The following LY86 variants were observed in gnomAD, a reference collection of about 807,000 sequenced individuals.
The protein encoded by LY86 is MD-1, RP105-associated.
LY86 carries 20 observed loss-of-function variants against 17.3 expected under a neutral mutation model. The ratio of observed to expected loss-of-function variants is 1.15; its 90% CI spans 0.81 to 1.68. LY86 has a LOEUF of 1.68. Ranked by LOEUF, LY86 falls within the 40% of genes most tolerant of loss-of-function variation. The probability of loss-of-function intolerance (pLI) is 0.00; values close to 1 mark genes in which losing one functional copy is unlikely to be tolerated. For missense variants in LY86, 200 were observed against 191.9 expected, an observed-to-expected ratio of 1.04 and a Z score of -0.25; for synonymous variants, 74 against 70.6, an observed-to-expected ratio of 1.05 and a Z score of -0.24.
At chr6:6,621,157 G>T (rs1350320265) in intron 1 of LY86, 1 of 152,222 alleles carries the variant, frequency 6.6e-6, no homozygotes, top group South Asian at 2.1e-4. Context: ...TCGTGATGAA[G>T]TTTTGACTTC....
At chr6:6,638,480 T>C (rs1040767663) in intron 3 of LY86, among the ~76,000 whole-genome samples, 2 of 152,226 alleles carry the variant, frequency 1.3e-5, no homozygotes, top group African/African-American at 4.8e-5. Flanking sequence ...TTGAAGAATT[T>C]ACATTTAAGT....
At position 6,603,615 on chromosome 6, in the gene LY86, C is replaced by CAAAAAAAA. The variant is rs1221531073; in HGVS notation, c.136+14748_136+14749insAAAAAAAA. Among the ~76,000 whole-genome samples the CAAAAAAAA allele has an allele frequency of 2.2e-3, 246 of 114,104 alleles. 3 individuals carry two copies. The highest frequency in any genetic ancestry group is 7.9e-3 in the African/African-American group (232 of 29,290). The allele number at this position is 114,104 out of a possible 152,430, so 74.9% of individuals were successfully genotyped here. A position where few individuals can be genotyped will look rare whatever the true frequency, so the allele number is the denominator to read the frequency against. On this transcript the variant is annotated intron_variant, in intron 1 of 4. Coordinates refer to ENST00000230568, the MANE Select transcript of LY86 (RefSeq NM_004271.4). Reference sequence around the variant, plus strand: ...ACAAAAACAGAAACAGAAAAAAAAACAAACAAAAAAAAACAAAACACACAC... The same window carrying CAAAAAAAA: ...ACAAAAACAGAAACAGAAAAAAAAACAAAAAAAAAAACAAAAAAAAACAAAACACACAC...
intron 1 of LY86, among the ~76,000 whole-genome samples, chr6:6,596,362 A>G (rs1760712354): frequency 6.6e-6 from 1 of 152,090 alleles, no homozygotes; most frequent in African/African-American, 2.4e-5. Flanking sequence ...AATAATTCTG[A>G]AGGAAATGGA....
chr6:6,650,797 G>T (rs1581254361), intron 4 of LY86, among the ~76,000 whole-genome samples: 1 of 152,086 alleles, frequency 6.6e-6, no homozygotes, highest in African/African-American at 2.4e-5. Context: ...ACCCTACTCT[G>T]CTATCAAACA....
At chr6:6,647,069 T>G (rs1293317765) in intron 3 of LY86, among the ~76,000 whole-genome samples, 1 of 152,216 alleles carries the variant, frequency 6.6e-6, no homozygotes, top group Non-Finnish European at 1.5e-5. Context: ...GTCTGTGACC[T>G]TCACTGCAAA....
At chr6:6,641,857 G>A (rs1255861715) in intron 3 of LY86, among the ~76,000 whole-genome samples, 21 of 152,244 alleles carry the variant, frequency 1.4e-4, no homozygotes, top group Non-Finnish European at 2.9e-5. Flanking sequence ...AGGGTGATGG[G>A]GAAAGCCAGT....
intron 1 of LY86, among the ~76,000 whole-genome samples, chr6:6,593,632 A>G (rs1339436654): frequency 1.3e-5 from 2 of 152,244 alleles, no homozygotes; most frequent in Admixed American, 6.5e-5. Flanking sequence ...TGATTGAGGT[A>G]TAATAGACTC....
intron 1 of LY86, among the ~76,000 whole-genome samples, chr6:6,611,898 A>G (rs1268484133): frequency 1.3e-5 from 2 of 148,464 alleles, no homozygotes; most frequent in Non-Finnish European, 3.1e-5. Flanking sequence ...AAATAAGAAA[A>G]AAATCAGACT....
At chr6:6,650,340 G>T (rs72653707) in intron 4 of LY86, among the ~76,000 whole-genome samples, 87,116 of 147,866 alleles carry the variant, frequency 0.59, 25,599 homozygotes, top group East Asian at 0.72. Context: ...TCAGATAATG[G>T]TTTTTTTTTT....
At chr6:6,611,064 C>T (rs1360264075) in intron 1 of LY86, among the ~76,000 whole-genome samples, 2 of 152,204 alleles carry the variant, frequency 1.3e-5, no homozygotes, top group Non-Finnish European at 2.9e-5. Flanking sequence ...CCGTTAAGAT[C>T]TGGCCGTGTC....
At chr6:6,604,585 G>A (rs1761036307) in intron 1 of LY86, among the ~76,000 whole-genome samples, 1 of 151,986 alleles carries the variant, frequency 6.6e-6, no homozygotes, top group Non-Finnish European at 1.5e-5. Context: ...AGCTATAGAA[G>A]AAAATAGGGG....
At chr6:6,592,704 CTT>C (rs1197046282) in intron 1 of LY86, among the ~76,000 whole-genome samples, 2 of 151,730 alleles carry the variant, frequency 1.3e-5, no homozygotes, top group African/African-American at 2.4e-5. Flanking sequence ...CCAGAGATCT[CTT>C]TTCACCACAT....
At chr6:6,646,206 G>A (rs770499695) in intron 3 of LY86, among the ~76,000 whole-genome samples, 2 of 152,248 alleles carry the variant, frequency 1.3e-5, no homozygotes. Flanking sequence ...ATTAGTTACA[G>A]TGCCTACATG....
intron 1 of LY86, among the ~76,000 whole-genome samples, chr6:6,604,627 A>T (rs950226595): frequency 2.0e-5 from 3 of 152,158 alleles, no homozygotes; most frequent in Non-Finnish European, 4.4e-5. Context: ...AATGCTGAAA[A>T]TTTTCCAGAA....
At chr6:6,603,226 A>T (rs1003709269) in intron 1 of LY86, among the ~76,000 whole-genome samples, 2 of 152,170 alleles carry the variant, frequency 1.3e-5, no homozygotes, top group Non-Finnish European at 2.9e-5. Context: ...TGCATTAGGA[A>T]TTAGGTTTTA....
chr6:6,599,417 C>T (rs1760827825), intron 1 of LY86, among the ~76,000 whole-genome samples: 1 of 152,200 alleles, frequency 6.6e-6, no homozygotes, highest in Non-Finnish European at 1.5e-5. Flanking sequence ...TCGTAGAGGA[C>T]TTTGGTCTTT....
intron 1 of LY86, among the ~76,000 whole-genome samples, chr6:6,612,092 T>C (rs112059112): frequency 0.038 from 5,790 of 152,274 alleles, 136 homozygotes; most frequent in Middle Eastern, 0.082. Flanking sequence ...TTTGAGAAGA[T>C]CCAAAAGCAA....
chr6:6,607,996 T>C (rs1761235800), intron 1 of LY86, among the ~76,000 whole-genome samples: 1 of 152,216 alleles, frequency 6.6e-6, no homozygotes, highest in Non-Finnish European at 1.5e-5. Context: ...ACAAATTGCA[T>C]TTTAAAAGTT....
chr6:6,647,448 A>C (rs1762122632), intron 3 of LY86, among the ~76,000 whole-genome samples: 1 of 150,398 alleles, frequency 6.6e-6, no homozygotes, highest in Non-Finnish European at 1.5e-5. Context: ...TTAATTCCTC[A>C]CCTCCTTATC....
Sources: gnomAD v4.1 joint callset for allele counts (sites outside exome capture counted in the v4.1 genomes callset) on GRCh38, gnomAD v4.1.1 for gene constraint, MANE v1.5 for transcripts, NCBI Gene and HGNC (gene_info 2026-07-23, HGNC 2026-07-21) for gene names.